RFX7: variants seen among roughly 807,000 people sequenced by gnomAD.
RFX7 encodes the protein regulatory factor X7.
Under a neutral mutation model 111.8 loss-of-function variants are expected in RFX7, and 26 were observed. The observed-to-expected ratio is 0.23, with a 90% CI of 0.17 to 0.32. The LOEUF is 0.32. Among genes scored for constraint, RFX7 ranks in the 10% least tolerant of loss-of-function variants. RFX7 has a pLI of 1.00. For missense variants in RFX7, 1,573 were observed against 1,772.9 expected, an observed-to-expected ratio of 0.89 and a Z score of 2.02; for synonymous variants, 624 against 624.4, an observed-to-expected ratio of 1.00 and a Z score of 0.01.
In RFX7 at chr15:56,095,162, G is replaced by A; in HGVS notation, c.2566C>T (p.Pro856Ser). 1 of 1,613,904 alleles carries A rather than the reference G, an allele frequency of 6.2e-7. No homozygotes were observed. The highest frequency in any genetic ancestry group is 2.2e-5 in the East Asian group (1 of 44,886). ...AACTCCTTCAGTTCAGATTGCAGAGGTAACTGATCTGAAGAATGTGCTTGT... is the reference window on the plus strand; with the variant it reads ...AACTCCTTCAGTTCAGATTGCAGAGATAACTGATCTGAAGAATGTGCTTGT... Reference protein sequence around the residue: ...QIQAHSSDQLPLQSELKEFEP... With the variant: ...QIQAHSSDQLSLQSELKEFEP... Residue 856 changes from proline (P) to serine (S), a missense_variant, in exon 10 of 10, where the codon CCT becomes TCT. This residue lies in a region of RFX7 where 625 missense variants were observed against 632.2 expected (regional missense o/e 0.99). Transcript: ENST00000559447.
intron 2 of RFX7, among the ~76,000 whole-genome samples, chr15:56,179,771 C>A (rs1331260855): frequency 1.5e-5 from 1 of 64,994 alleles, no homozygotes; most frequent in African/African-American, 4.6e-5. Flanking sequence ...AACACACACA[C>A]ACACACACAC....
At position 56,089,090 on chromosome 15, in the gene RFX7, A is replaced by G. The variant is rs1460036788; in HGVS notation, c.*4255T>C. On this transcript the variant is annotated 3_prime_UTR_variant, in exon 10 of 10. Transcript: ENST00000559447. Reference sequence around the variant, plus strand: ...GATGAATGACCACATGCTCCAGGAAATGGGCCCCCCCTCCTACCTATAAAG... The same window carrying G: ...GATGAATGACCACATGCTCCAGGAAGTGGGCCCCCCCTCCTACCTATAAAG... 4 of 152,198 alleles carry G rather than the reference A, an allele frequency of 2.6e-5. No individual in the cohort carries two copies. Among genetic ancestry groups the G allele is most frequent in the East Asian group, 3.8e-4 (2 of 5,202 alleles). The allele number at this position is 152,198 out of a possible 1,614,324, so 9.4% of individuals were successfully genotyped here.
chr15:56,171,899 G>A (rs1813499383), intron 3 of RFX7, among the ~76,000 whole-genome samples: 1 of 152,114 alleles, frequency 6.6e-6, no homozygotes, highest in Admixed American at 6.5e-5. Flanking sequence ...GGAGTCATTG[G>A]TATAATGAGA....
At chr15:56,188,645 C>A (rs1024471142) in intron 2 of RFX7, among the ~76,000 whole-genome samples, 1 of 152,082 alleles carries the variant, frequency 6.6e-6, no homozygotes, top group Non-Finnish European at 1.5e-5. Context: ...CAAAGCAATT[C>A]GAGGGACAAA....
At chr15:56,097,063 A>G (rs1361389584) in intron 9 of RFX7, among the ~76,000 whole-genome samples, 2 of 152,256 alleles carry the variant, frequency 1.3e-5, no homozygotes, top group South Asian at 2.1e-4. Context: ...CACTGCAAAT[A>G]AGATACAACT....
chr15:56,150,944 G>A (rs1366632539), intron 3 of RFX7, among the ~76,000 whole-genome samples: 6 of 151,672 alleles, frequency 4.0e-5, no homozygotes, highest in Non-Finnish European at 5.9e-5. Flanking sequence ...TAGCCAAATC[G>A]ATCAACCAGA....
intron 2 of RFX7, among the ~76,000 whole-genome samples, chr15:56,211,813 A>G (rs1330062935): frequency 6.6e-6 from 1 of 152,150 alleles, no homozygotes; most frequent in African/African-American, 2.4e-5. Context: ...ATGCAAACTA[A>G]AACACCAATG....
In RFX7 at chr15:56,088,506, C is replaced by T. The variant is rs549573796; in HGVS notation, c.*4839G>A. ...CAAGAATTAAGTACTTCTTAAAAAT[C>T]AAATCTTGAAAAATGTAGTCTTTTT... On this transcript the variant is annotated 3_prime_UTR_variant, in exon 10 of 10. Coordinates refer to ENST00000559447, the MANE Select transcript of RFX7 (RefSeq NM_022841.7). 6.6e-6 allele frequency: 1 copy of T among 152,212 alleles called. No individual in the cohort carries two copies. The highest frequency in any genetic ancestry group is 2.1e-4 in the South Asian group (1 of 4,822). 9.4% of individuals were successfully genotyped at this position (152,212 alleles called of 1,614,324 possible). A position where few individuals can be genotyped will look rare whatever the true frequency, so the allele number is the denominator to read the frequency against.
intron 3 of RFX7, among the ~76,000 whole-genome samples, chr15:56,163,993 C>T (rs1595980190): frequency 6.6e-6 from 1 of 152,048 alleles, no homozygotes; most frequent in Non-Finnish European, 1.5e-5. Flanking sequence ...TACAGTAGAA[C>T]ATAGGTAAGA....
chr15:56,121,469 A>G (rs1169240570), intron 5 of RFX7, among the ~76,000 whole-genome samples: 1 of 152,194 alleles, frequency 6.6e-6, no homozygotes, highest in Non-Finnish European at 1.5e-5. Flanking sequence ...CAAGGTCCTC[A>G]GATAGGAATT....
chr15:56,144,359 C>G, intron 4 of RFX7, 42 bp downstream of exon 4: 1 of 1,134,926 alleles, frequency 8.8e-7, no homozygotes. Flanking sequence ...TAGGGACATC[C>G]TATAAACAGC....
chr15:56,235,410 A>G (rs1332767306), intron 2 of RFX7, among the ~76,000 whole-genome samples: 2 of 152,074 alleles, frequency 1.3e-5, no homozygotes, highest in African/African-American at 4.8e-5. Flanking sequence ...TCCTGACCTC[A>G]TGATCCGCCC....
In RFX7 at chr15:56,096,284, G is replaced by C; in HGVS notation, c.1444C>G (p.Pro482Ala). 1 of 1,613,968 alleles carries C rather than the reference G, an allele frequency of 6.2e-7. No individual in the cohort carries two copies. The highest frequency in any genetic ancestry group is 2.2e-5 in the East Asian group (1 of 44,878). ...TTAAGAGGGGTGTTACTGTTGCTGG[G>C]TGTGAGGGATATTGTTGTCATTTTC... ...VVKMTTISLT[P>A]SNSNTPLKHS... The change falls in exon 10 of 10, where the codon CCC (proline) becomes GCC (alanine). Residue 482 changes from proline (P) to alanine (A), a missense_variant. Transcript: ENST00000559447.
At chr15:56,167,916 G>A (rs2042802025) in intron 3 of RFX7, among the ~76,000 whole-genome samples, 1 of 152,110 alleles carries the variant, frequency 6.6e-6, no homozygotes, top group African/African-American at 2.4e-5. Context: ...ACAATTATTG[G>A]TTACCAAAAT....
At chr15:56,103,954 G>A (rs1244399834) in intron 5 of RFX7, among the ~76,000 whole-genome samples, 3 of 152,166 alleles carry the variant, frequency 2.0e-5, no homozygotes, top group Non-Finnish European at 4.4e-5. Flanking sequence ...CCCAACCAGT[G>A]CTCATAAATG....
intron 2 of RFX7, among the ~76,000 whole-genome samples, chr15:56,188,643 T>C (rs1452454635): frequency 1.3e-5 from 2 of 152,128 alleles, no homozygotes; most frequent in African/African-American, 2.4e-5. Flanking sequence ...ACCAAAGCAA[T>C]TCGAGGGACA....
At position 56,192,422 on chromosome 15, in the gene RFX7, G is replaced by C. The variant is rs2043109570; in HGVS notation, c.162-13119C>G. The C allele has an allele frequency of 1.3e-5, 3 of 222,560 alleles. No homozygotes were observed. The South Asian group carries it at 2.5e-4, about 18-fold the overall frequency. The allele number at this position is 222,560 out of a possible 1,614,324, so 13.8% of individuals were successfully genotyped here. On this transcript the variant is annotated intron_variant, in intron 2 of 9. Coordinates refer to ENST00000559447, the MANE Select transcript of RFX7 (RefSeq NM_022841.7). ...CTGCCATCAGCTTTTTCAAGGATGG[G>C]CTGGGCTGAAATATGGGGTTCTTTG...
At chr15:56,193,244 C>G (rs2043116576) in intron 2 of RFX7, 1 of 156,272 alleles carries the variant, frequency 6.4e-6, no homozygotes, top group Non-Finnish European at 1.4e-5. Flanking sequence ...AGTGCATGAA[C>G]TGCCTGGTGA....
chr15:56,229,516 T>C (rs2043525629), intron 2 of RFX7, among the ~76,000 whole-genome samples: 2 of 152,162 alleles, frequency 1.3e-5, no homozygotes. Context: ...CCGCCTGTCT[T>C]GGCCTCCCAA....
Sources: gnomAD v4.1 joint callset for allele counts (sites outside exome capture counted in the v4.1 genomes callset) on GRCh38, gnomAD v4.1.1 for gene constraint, gnomAD v4.1.1 regional missense constraint, MANE v1.5 for transcripts, NCBI Gene and HGNC (gene_info 2026-07-23, HGNC 2026-07-21) for gene names.